Variants in PACSIN2 observed in about 807,000 individuals in gnomAD.
The protein encoded by PACSIN2 is protein kinase C and casein kinase substrate in neurons 2.
PACSIN2 carries 25 observed loss-of-function variants against 63.8 expected under a neutral mutation model. The observed-to-expected ratio is 0.39, with a 90% CI of 0.29 to 0.55. PACSIN2 has a LOEUF of 0.55. PACSIN2 is among the 20% of genes least tolerant of loss of function. The probability of loss-of-function intolerance (pLI) is 0.62; values close to 1 mark genes in which losing one functional copy is unlikely to be tolerated. For synonymous variants in PACSIN2, 255 were observed against 256.2 expected (o/e 1.00, Z 0.05); for missense variants, 518 against 646.9 (o/e 0.80, Z 2.16).
chr22:42,924,207 G>C (rs1481597637), intron 1 of PACSIN2, among the ~76,000 whole-genome samples: 4 of 152,020 alleles, frequency 2.6e-5, no homozygotes, highest in Non-Finnish European at 4.4e-5. Flanking sequence ...AAAAAGCCAA[G>C]GACATGACCA....
chr22:42,961,377 C>T (rs1219266007), intron 1 of PACSIN2, among the ~76,000 whole-genome samples: 1 of 150,954 alleles, frequency 6.6e-6, no homozygotes, highest in East Asian at 2.0e-4. Flanking sequence ...TATCTGTTGA[C>T]CTTCCCTCCA....
At chr22:42,881,534 C>G (rs1929075077) in intron 7 of PACSIN2, among the ~76,000 whole-genome samples, 1 of 152,198 alleles carries the variant, frequency 6.6e-6, no homozygotes, top group East Asian at 1.9e-4. Flanking sequence ...GCTTAAGCCT[C>G]AGGGGCACCA....
intron 1 of PACSIN2, among the ~76,000 whole-genome samples, chr22:42,913,450 G>C (rs1180514864): frequency 7.3e-6 from 1 of 137,448 alleles, no homozygotes; most frequent in African/African-American, 2.8e-5. Context: ...TTGCACTCCA[G>C]CCTGGGCAAC....
intron 1 of PACSIN2, among the ~76,000 whole-genome samples, chr22:42,987,901 G>A (rs982634713): frequency 1.3e-5 from 2 of 152,078 alleles, no homozygotes; most frequent in African/African-American, 4.8e-5. Context: ...AGCACTTTGG[G>A]AGGCTGAGGC....
At chr22:42,874,773 C>G (rs563528618) in intron 10 of PACSIN2, among the ~76,000 whole-genome samples, 12 of 152,190 alleles carry the variant, frequency 7.9e-5, no homozygotes, top group Non-Finnish European at 1.3e-4. Context: ...AATTCACAGC[C>G]TTGGCCCAGC....
chr22:42,896,617 C>T (rs987243771), intron 2 of PACSIN2, among the ~76,000 whole-genome samples: 1 of 152,160 alleles, frequency 6.6e-6, no homozygotes, highest in Non-Finnish European at 1.5e-5. Context: ...TTTGTGGGGA[C>T]ATAAGCTTCC....
intron 1 of PACSIN2, among the ~76,000 whole-genome samples, chr22:42,997,683 CATGTAAAT>C (rs1923504623): frequency 6.6e-6 from 1 of 152,088 alleles, no homozygotes; most frequent in Non-Finnish European, 1.5e-5. Flanking sequence ...ATGAAATTCT[CATGTAAAT>C]ATAAGATCCA....
chr22:42,913,021 C>T (rs1931563521), intron 1 of PACSIN2, among the ~76,000 whole-genome samples: 1 of 152,226 alleles, frequency 6.6e-6, no homozygotes, highest in Non-Finnish European at 1.5e-5. Context: ...TATGTAATCA[C>T]ATGAATCTTC....
Position 42,939,422 on chromosome 22 carries a change from G to C in PACSIN2, c.-77-27265C>G, listed in dbSNP as rs192259317. 2.0e-5 allele frequency among the ~76,000 whole-genome samples: 3 copies of C among 152,296 alleles called. No individual in the cohort carries two copies. In the East Asian group the frequency reaches 5.8e-4, roughly 29 times the overall value. ...TATTAACATGAGAATTCAAACAGTA[G>C]TGTAAGAAGATGTACAAGAGTCTAA... On this transcript the variant is annotated intron_variant, in intron 1 of 10. Coordinates refer to ENST00000263246, the MANE Select transcript of PACSIN2 (RefSeq NM_001184970.3).
At chr22:42,978,495 CA>C (rs2146880064) in intron 1 of PACSIN2, among the ~76,000 whole-genome samples, 1 of 152,362 alleles carries the variant, frequency 6.6e-6, no homozygotes, top group East Asian at 1.9e-4. Context: ...AGTCCACCCT[CA>C]TCCTGCTGAA....
At chr22:42,891,314 T>C in intron 3 of PACSIN2, 132 bp from the exon 4 acceptor site, 1 of 618,402 alleles carries the variant, frequency 1.6e-6, no homozygotes, top group East Asian at 2.8e-5. Context: ...GATATTTTTC[T>C]CTCAGGGACT....
chr22:42,889,373 TACACAC>T (rs58408551), intron 4 of PACSIN2, among the ~76,000 whole-genome samples: 8 of 122,422 alleles, frequency 6.5e-5, no homozygotes, highest in Non-Finnish European at 1.3e-4. Flanking sequence ...TAATGGTTTT[TACACAC>T]ACACACACAC....
At chr22:42,952,550 C>T (rs561512422) in intron 1 of PACSIN2, among the ~76,000 whole-genome samples, 60 of 151,866 alleles carry the variant, frequency 4.0e-4, no homozygotes, top group Non-Finnish European at 7.2e-4. Flanking sequence ...TTAGTAGAGA[C>T]GGGTTTTCAC....
chr22:42,932,638 A>G (rs1050608335), intron 1 of PACSIN2, among the ~76,000 whole-genome samples: 1 of 152,202 alleles, frequency 6.6e-6, no homozygotes, highest in African/African-American at 2.4e-5. Context: ...ATATACTGAC[A>G]TATCTTGGAT....
At chr22:42,878,820 TG>T (rs1314502436) in intron 8 of PACSIN2, among the ~76,000 whole-genome samples, 24 of 151,798 alleles carry the variant, frequency 1.6e-4, no homozygotes, top group Non-Finnish European at 3.2e-4. Context: ...TCAGCAGCTC[TG>T]GCACCAGGCA....
At position 42,872,880 on chromosome 22, in the gene PACSIN2, G is replaced by A. The variant is rs562623582; in HGVS notation, c.1349-1411C>T. Among the ~76,000 whole-genome samples, 17 of 152,370 alleles carry A rather than the reference G, an allele frequency of 1.1e-4. No individual in the cohort carries two copies. The East Asian group carries it at 3.3e-3, about 29-fold the overall frequency. On this transcript the variant is annotated intron_variant, in intron 10 of 10. Transcript: ENST00000263246. ...GCAGGGGCCACAGGGCAGCAGCCAC[G>A]ATGAACCACCATCTCTTTCCACCGC...
chr22:42,913,513 C>G (rs1311854534), intron 1 of PACSIN2, among the ~76,000 whole-genome samples: 2 of 145,864 alleles, frequency 1.4e-5, no homozygotes, highest in Non-Finnish European at 3.0e-5. Context: ...AAGAGAGACA[C>G]TAATGGAACC....
rs1159974766 is a variant in PACSIN2 at position 42,966,975 on chromosome 22, T to G, written c.-78+48046A>C. Among the ~76,000 whole-genome samples, 3 of 152,350 alleles carry G rather than the reference T, an allele frequency of 2.0e-5. No individual in the cohort carries two copies. In the East Asian group the frequency reaches 5.8e-4, roughly 29 times the overall value. ...TAATTCAGCCATCTGACAAATATTTTTCAGCACTGTCCAGGCTCTGGAAGT... is the reference window on the plus strand; with the variant it reads ...TAATTCAGCCATCTGACAAATATTTGTCAGCACTGTCCAGGCTCTGGAAGT... On this transcript the variant is annotated intron_variant, in intron 1 of 10. Transcript: ENST00000263246.
intron 1 of PACSIN2, among the ~76,000 whole-genome samples, chr22:42,962,163 C>T (rs1934159018): frequency 6.7e-6 from 1 of 148,782 alleles, no homozygotes; most frequent in African/African-American, 2.5e-5. Context: ...TTCCCTCCCC[C>T]AAGCCAGGAT....
Sources: allele counts gnomAD v4.1 joint callset (sites outside exome capture counted in the v4.1 genomes callset), GRCh38; gene constraint gnomAD v4.1.1; transcripts MANE v1.5; gene names NCBI Gene and HGNC (gene_info 2026-07-23, HGNC 2026-07-21).